The following GRIK1 variants were observed in gnomAD, a reference collection of about 807,000 sequenced individuals.
The protein encoded by GRIK1 is glutamate ionotropic receptor kainate type subunit 1.
GRIK1 carries 69 observed loss-of-function variants against 105.7 expected under a neutral mutation model. That is an observed-to-expected ratio of 0.65 (90% CI 0.54 to 0.80). The LOEUF is 0.80. Ranked by LOEUF, GRIK1 falls within the 30% of genes least tolerant of loss-of-function variation. The pLI, the probability that GRIK1 is intolerant of heterozygous loss-of-function variation, is 0.00. For missense variants in GRIK1, 1,109 were observed against 1,167.3 expected (o/e 0.95, Z 0.73); for synonymous variants, 438 against 431.3 (o/e 1.02, Z -0.19).
At position 29,588,994 on chromosome 21, in the gene GRIK1, T is replaced by C. The variant is rs1231785952; in HGVS notation, c.1414A>G (p.Asn472Asp). 6.2e-7 allele frequency: 1 copy of C among 1,604,952 alleles called. No homozygotes were observed. Among genetic ancestry groups the C allele is most frequent in the Non-Finnish European group, 8.5e-7 (1 of 1,171,704 alleles). ...YRKSDKPLYGNDRFEGYCLDL... is the reference protein window; with the variant it reads ...YRKSDKPLYGDDRFEGYCLDL... ...AGGCAATATCCTTCAAATCTGTCAT[T>C]TCCATATAGAGGCTTATCAGATTTC... Residue 472 changes from asparagine to aspartate, a missense_variant, in exon 11 of 18, where the codon AAT becomes GAT. Transcript: ENST00000327783.
chr21:29,568,804 T>C (rs747682212), intron 14 of GRIK1, among the ~76,000 whole-genome samples: 1 of 152,226 alleles, frequency 6.6e-6, no homozygotes, highest in Non-Finnish European at 1.5e-5. Flanking sequence ...TATTCAGATC[T>C]TCATGTCTTG....
chr21:29,645,822 C>T (rs1181902100), intron 6 of GRIK1, among the ~76,000 whole-genome samples: 1 of 152,134 alleles, frequency 6.6e-6, no homozygotes, highest in Non-Finnish European at 1.5e-5. Context: ...ATATCTAAAG[C>T]CTGGATGAAA....
At chr21:29,761,338 C>T (rs2065512761) in intron 1 of GRIK1, 1 of 152,226 alleles carries the variant, frequency 6.6e-6, no homozygotes, top group South Asian at 2.1e-4. Context: ...GCTATCACAA[C>T]CAGCTTGACA....
At chr21:29,561,017 G>A (rs1331183912) in intron 15 of GRIK1, among the ~76,000 whole-genome samples, 1 of 152,176 alleles carries the variant, frequency 6.6e-6, no homozygotes, top group Admixed American at 6.5e-5. Context: ...AGAATGCATT[G>A]CTATATGGGT....
chr21:29,665,187 CA>C (rs1568949799), intron 4 of GRIK1, among the ~76,000 whole-genome samples: 1 of 152,154 alleles, frequency 6.6e-6, no homozygotes, highest in Non-Finnish European at 1.5e-5. Flanking sequence ...TGAGAATCCT[CA>C]AATGGATATC....
At chr21:29,849,741 T>A (rs543609558) in intron 1 of GRIK1, among the ~76,000 whole-genome samples, 38 of 152,246 alleles carry the variant, frequency 2.5e-4, no homozygotes, top group African/African-American at 9.2e-4. Flanking sequence ...TCGAGATGAG[T>A]GCCGGTAAGG....
At chr21:29,698,264 C>T (rs186144327) in intron 1 of GRIK1, among the ~76,000 whole-genome samples, 2 of 152,254 alleles carry the variant, frequency 1.3e-5, no homozygotes, top group African/African-American at 4.8e-5. Flanking sequence ...CTCATTTGAG[C>T]TTAGCTGACT....
At chr21:29,927,731 C>T (rs7280161) in intron 1 of GRIK1, among the ~76,000 whole-genome samples, 102,931 of 151,504 alleles carry the variant, frequency 0.68, 35,210 homozygotes, top group East Asian at 0.83. Flanking sequence ...ATTAGCCAGG[C>T]GTGGTGGCAT....
intron 1 of GRIK1, among the ~76,000 whole-genome samples, chr21:29,892,249 C>A (rs1358529614): frequency 6.6e-6 from 1 of 152,008 alleles, no homozygotes; most frequent in African/African-American, 2.4e-5. Context: ...GAAAAGCTAG[C>A]CAGAGGAAGT....
At chr21:29,756,103 C>T (rs750930884) in intron 1 of GRIK1, among the ~76,000 whole-genome samples, 10 of 152,148 alleles carry the variant, frequency 6.6e-5, no homozygotes, top group Non-Finnish European at 1.0e-4. Context: ...ATAAACGGGC[C>T]GGGCGCGGTG....
At chr21:29,625,044 G>C (rs1440990785) in intron 7 of GRIK1, among the ~76,000 whole-genome samples, 2 of 152,172 alleles carry the variant, frequency 1.3e-5, no homozygotes, top group Non-Finnish European at 2.9e-5. Context: ...ACATGTGGAG[G>C]GCACGAGGCC....
intron 1 of GRIK1, among the ~76,000 whole-genome samples, chr21:29,894,522 G>T (rs1007703882): frequency 6.6e-6 from 1 of 152,138 alleles, no homozygotes; most frequent in Admixed American, 6.5e-5. Flanking sequence ...CAGCTGATTA[G>T]ATGGTGCCCA....
intron 1 of GRIK1, among the ~76,000 whole-genome samples, chr21:29,757,157 A>C (rs1371318690): frequency 2.0e-5 from 3 of 152,144 alleles, no homozygotes; most frequent in African/African-American, 7.2e-5. Context: ...TTTAAAAAAA[A>C]AGAAATGCGA....
At position 29,639,348 on chromosome 21, in the gene GRIK1, C is replaced by T. The variant is rs548495988; in HGVS notation, c.1098+3478G>A. Among the ~76,000 whole-genome samples the T allele has an allele frequency of 1.1e-3, 161 of 152,270 alleles. 1 individual carries two copies. The highest frequency in any genetic ancestry group is 3.7e-3 in the African/African-American group (153 of 41,556). On this transcript the variant is annotated intron_variant, in intron 7 of 17. Coordinates refer to ENST00000327783, the MANE Select transcript of GRIK1 (RefSeq NM_001330994.2). ...TGAAAACGCATAGCTTGGAGATAGA[C>T]GTGGAAACAAACACAATAGCATACC...
intron 4 of GRIK1, among the ~76,000 whole-genome samples, chr21:29,660,003 C>A (rs58190056): frequency 0.011 from 1,733 of 152,016 alleles, 33 homozygotes; most frequent in African/African-American, 0.04. Flanking sequence ...ACAACAACAA[C>A]AAAAAACCCT....
intron 1 of GRIK1, among the ~76,000 whole-genome samples, chr21:29,804,598 T>C (rs1156767297): frequency 3.9e-5 from 6 of 152,160 alleles, no homozygotes; most frequent in Non-Finnish European, 8.8e-5. Flanking sequence ...CACTGTATGA[T>C]AGTAGGGCAA....
At chr21:29,608,237 CAAGCTCATGTGTAT>C (rs1429760615) in intron 7 of GRIK1, among the ~76,000 whole-genome samples, 1 of 152,018 alleles carries the variant, frequency 6.6e-6, no homozygotes, top group African/African-American at 2.4e-5. Context: ...TTGTTTTATG[CAAGCTCATGTGTAT>C]AAGGTAATGG....
chr21:29,876,766 G>A (rs192446826), intron 1 of GRIK1, among the ~76,000 whole-genome samples: 3 of 152,092 alleles, frequency 2.0e-5, no homozygotes, highest in African/African-American at 4.8e-5. Context: ...ACATTTTGGA[G>A]AATTCTTAAC....
At chr21:29,649,535 G>A (rs1270403247) in intron 6 of GRIK1, among the ~76,000 whole-genome samples, 1 of 152,166 alleles carries the variant, frequency 6.6e-6, no homozygotes. Flanking sequence ...GGGGATTACC[G>A]TTAGCTCAGG....
Sources: gnomAD v4.1 joint callset for allele counts (sites outside exome capture counted in the v4.1 genomes callset) on GRCh38, gnomAD v4.1.1 for gene constraint, MANE v1.5 for transcripts, NCBI Gene and HGNC (gene_info 2026-07-23, HGNC 2026-07-21) for gene names.